AGPAT4: variants seen among roughly 807,000 people sequenced by gnomAD.
AGPAT4 encodes 1-acyl-sn-glycerol-3-phosphate acyltransferase delta.
A neutral mutation model predicts 48.0 loss-of-function variants in AGPAT4; 15 were observed. The ratio of observed to expected loss-of-function variants is 0.31; its 90% confidence interval spans 0.21 to 0.48. The LOEUF (loss-of-function observed/expected upper bound fraction) is 0.48. AGPAT4 is among the 20% of genes least tolerant of loss of function. The pLI, the probability that AGPAT4 is intolerant of heterozygous loss-of-function variation, is 0.99. For missense variants in AGPAT4, 314 were observed against 482.5 expected, an observed-to-expected ratio of 0.65 and a Z score of 3.27; for synonymous variants, 178 against 198.7, an observed-to-expected ratio of 0.90 and a Z score of 0.88.
In AGPAT4 at chr6:161,130,745, G is replaced by A. The variant is rs1778874755; in HGVS notation, c.*5795C>T. On this transcript the variant is annotated 3_prime_UTR_variant, in exon 9 of 9. Coordinates refer to ENST00000320285, the MANE Select transcript of AGPAT4 (RefSeq NM_020133.3). ...AGATGCGAGTAAGGAAGCTCCAGTT[G>A]TAGCCTTGGCACAGCTGAGGCCATG... 2 of 452,398 alleles carry A rather than the reference G, an allele frequency of 4.4e-6. No individual in the cohort carries two copies. The highest frequency in any genetic ancestry group is 9.0e-6 in the Non-Finnish European group (2 of 221,748). The allele number at this position is 452,398 out of a possible 1,614,324, so 28.0% of individuals were successfully genotyped here.
At chr6:161,152,784 T>C (rs1255813924) in intron 5 of AGPAT4, among the ~76,000 whole-genome samples, 1 of 152,050 alleles carries the variant, frequency 6.6e-6, no homozygotes, top group African/African-American at 2.4e-5. Flanking sequence ...CAAGGGACTG[T>C]GAGGGCGTGG....
chr6:161,167,681 C>T (rs1301295410), intron 2 of AGPAT4, among the ~76,000 whole-genome samples: 2 of 152,216 alleles, frequency 1.3e-5, no homozygotes, highest in African/African-American at 4.8e-5. Flanking sequence ...GGAAACTTTT[C>T]TCCTCCAGGC....
chr6:161,173,643 A>G (rs1489282666), intron 2 of AGPAT4, among the ~76,000 whole-genome samples: 1 of 152,152 alleles, frequency 6.6e-6, no homozygotes, highest in African/African-American at 2.4e-5. Flanking sequence ...GAAGCTCTTC[A>G]GTTTAATCAG....
chr6:161,254,494 G>A lies in AGPAT4; in HGVS notation c.-90+19444C>T, dbSNP rs570304750. Among the ~76,000 whole-genome samples the A allele has an allele frequency of 3.3e-5, 5 of 152,316 alleles. No individual in the cohort carries two copies. The South Asian group carries it at 1.0e-3, about 32-fold the overall frequency. On this transcript the variant is annotated intron_variant, in intron 1 of 8. Coordinates refer to ENST00000320285, the MANE Select transcript of AGPAT4 (RefSeq NM_020133.3). The surrounding 1 kb of genome is among the most constrained non-coding windows in gnomAD (Gnocchi z 5.9). ...TACGTTTAGAGGCAACTCGTTCAGC[G>A]AATATTTATAGAGCCTCTACCGCGT...
rs1341876750 is a variant in AGPAT4 at position 161,177,137 on chromosome 6, G to A, written c.179-10720C>T. Among the ~76,000 whole-genome samples the A allele has an allele frequency of 1.3e-5, 2 of 152,036 alleles. No individual in the cohort carries two copies. The highest frequency in any genetic ancestry group is 1.9e-4 in the East Asian group (1 of 5,186). ...TATGTGTCTTAGAGTTGCTCTTCTC[G>A]AGGAGTATCTTTGTGGCGTTCTCTG... On this transcript the variant is annotated intron_variant, in intron 2 of 8. Transcript: ENST00000320285. This position sits in a 1 kb window ranked among gnomAD's most constrained non-coding sequence, Gnocchi z 5.0.
In AGPAT4 at chr6:161,219,344, T is replaced by G. The variant is rs929148844; in HGVS notation, c.178+12692A>C. On this transcript the variant is annotated intron_variant, in intron 2 of 8. Coordinates refer to ENST00000320285, the MANE Select transcript of AGPAT4 (RefSeq NM_020133.3). The surrounding 1 kb of genome is among the most constrained non-coding windows in gnomAD (Gnocchi z 4.9). ...TTTAAAAAATATATAAAATGTCCTA[T>G]CCAGACATTTATGATATGATAGAAT... Among the ~76,000 whole-genome samples, 11 of 151,946 alleles carry G rather than the reference T, an allele frequency of 7.2e-5. No homozygotes were observed. The highest frequency in any genetic ancestry group is 2.0e-4 in the Admixed American group (3 of 15,264).
rs887904768 is a variant in AGPAT4 at position 161,135,134 on chromosome 6, T to G, written c.*1406A>C. The G allele has an allele frequency of 6.6e-6, 1 of 152,236 alleles. No homozygotes were observed. The highest frequency in any genetic ancestry group is 1.5e-5 in the Non-Finnish European group (1 of 68,036). 9.4% of individuals were successfully genotyped at this position (152,236 alleles called of 1,614,324 possible). On this transcript the variant is annotated 3_prime_UTR_variant, in exon 9 of 9. Transcript: ENST00000320285. ...GCAAATAGCCAAAAACATAACTGCATAGAATAGGCCTTATAATGTGTGGCC... is the reference window on the plus strand; with the variant it reads ...GCAAATAGCCAAAAACATAACTGCAGAGAATAGGCCTTATAATGTGTGGCC...
chr6:161,143,895 C>CTT lies in AGPAT4; in HGVS notation c.843+2627_843+2628dup, dbSNP rs1779332931. The CTT allele has an allele frequency of 3.3e-6, 1 of 305,474 alleles. No homozygotes were observed. The highest frequency in any genetic ancestry group is 2.2e-5 in the African/African-American group (1 of 45,478). The allele number at this position is 305,474 out of a possible 1,614,324, so 18.9% of individuals were successfully genotyped here. Reference sequence around the variant, plus strand: ...CCATTCCCCTCCCATTTTGCAGAAACTTTACTTGTCCATGAAATTGAAAAG... The same window carrying CTT: ...CCATTCCCCTCCCATTTTGCAGAAACTTTTTACTTGTCCATGAAATTGAAAAG... On this transcript the variant is annotated intron_variant, in intron 7 of 8. Transcript: ENST00000320285. This position sits in a 1 kb window ranked among gnomAD's most constrained non-coding sequence, Gnocchi z 4.7.
At chr6:161,160,673 G>T in intron 3 of AGPAT4, 1 of 316,648 alleles carries the variant, frequency 3.2e-6, no homozygotes, top group African/African-American at 2.2e-5. Flanking sequence ...TACTGGCTCT[G>T]CTTTGAGGGG....
rs978724079 is a variant in AGPAT4, at chr6:161,139,264, A to G, written c.1042+158T>C. On this transcript the variant is annotated intron_variant, in intron 8 of 8. Coordinates refer to ENST00000320285, the MANE Select transcript of AGPAT4 (RefSeq NM_020133.3). The surrounding 1 kb of genome is among the most constrained non-coding windows in gnomAD (Gnocchi z 9.1). Reference sequence around the variant, plus strand: ...CAGGCCTGGTATTCGAGGGCCTCGCACTCATCCTGAAGTCTAATCTTTCCC... The same window carrying G: ...CAGGCCTGGTATTCGAGGGCCTCGCGCTCATCCTGAAGTCTAATCTTTCCC... Among the ~76,000 whole-genome samples the G allele has an allele frequency of 1.7e-4, 26 of 152,062 alleles. No homozygotes were observed. Among genetic ancestry groups the G allele is most frequent in the African/African-American group, 6.3e-4 (26 of 41,388 alleles).
chr6:161,199,120 A>G (rs1050788444), intron 2 of AGPAT4, among the ~76,000 whole-genome samples: 1 of 151,334 alleles, frequency 6.6e-6, no homozygotes. Flanking sequence ...AAAAAAAAAC[A>G]CGTTAATTGG....
rs3043142 is a variant in AGPAT4, at chr6:161,272,705, A to AACACACACACACAC, written c.-90+1219_-90+1232dup. On this transcript the variant is annotated intron_variant, in intron 1 of 8. Transcript: ENST00000320285. This position sits in a 1 kb window ranked among gnomAD's most constrained non-coding sequence, Gnocchi z 4.2. The stretch of plus-strand genomic sequence containing the variant: ...TCCCTGCCCGCCTCCCATTTCCCTA[A>AACACACACACACAC]ACACACACACACACACACACACACA... Among the ~76,000 whole-genome samples, 406 of 147,174 alleles carry AACACACACACACAC rather than the reference A, an allele frequency of 2.8e-3. No individual in the cohort carries two copies. The highest frequency in any genetic ancestry group is 9.5e-3 in the African/African-American group (381 of 39,912).
At position 161,154,329 on chromosome 6, in the gene AGPAT4, C is replaced by T; in HGVS notation, c.349-19G>A. ...TGGAGCCCTGAAACAGAAGAAGGAG[C>T]CCAGGTGCCCATGAAGGAGACGTCA... On this transcript the variant is annotated intron_variant, in intron 3 of 8. Coordinates refer to ENST00000320285, the MANE Select transcript of AGPAT4 (RefSeq NM_020133.3). This position sits in a 1 kb window ranked among gnomAD's most constrained non-coding sequence, Gnocchi z 7.8. 1 of 1,613,658 alleles carries T rather than the reference C, an allele frequency of 6.2e-7. No homozygotes were observed. The highest frequency in any genetic ancestry group is 8.5e-7 in the Non-Finnish European group (1 of 1,179,854).
rs1259147819 is a variant in AGPAT4, at chr6:161,234,253, T to C, written c.-89-1951A>G. On this transcript the variant is annotated intron_variant, in intron 1 of 8. Transcript: ENST00000320285. The surrounding 1 kb of genome is among the most constrained non-coding windows in gnomAD (Gnocchi z 4.4). Reference sequence around the variant, plus strand: ...TACTGGGACTATCCAGAAGGCAGGCTGCATTCCTGCAAGATTCCTATACAT... The same window carrying C: ...TACTGGGACTATCCAGAAGGCAGGCCGCATTCCTGCAAGATTCCTATACAT... Among the ~76,000 whole-genome samples the C allele has an allele frequency of 1.3e-5, 2 of 152,222 alleles. No homozygotes were observed. The highest frequency in any genetic ancestry group is 2.1e-4 in the South Asian group (1 of 4,826).
intron 3 of AGPAT4, chr6:161,160,791 T>C (rs1779905712): frequency 2.8e-6 from 1 of 351,460 alleles, no homozygotes; most frequent in Non-Finnish European, 5.6e-6. Context: ...CCAGTTTCTC[T>C]TCTGAACGGA....
At chr6:161,194,707 G>A (rs7747618) in intron 2 of AGPAT4, among the ~76,000 whole-genome samples, 27,303 of 151,990 alleles carry the variant, frequency 0.18, 4,391 homozygotes, top group African/African-American at 0.44. Context: ...TTGTGTGTGC[G>A]TATGTATGTG....
chr6:161,252,783 C>T (rs986303796), intron 1 of AGPAT4, among the ~76,000 whole-genome samples: 1 of 152,084 alleles, frequency 6.6e-6, no homozygotes, highest in Non-Finnish European at 1.5e-5. Flanking sequence ...GCATTCCAGC[C>T]TGGGTGACAC....
rs763874812 is a variant in AGPAT4 at position 161,232,602 on chromosome 6, G to A, written c.-89-300C>T. Among the ~76,000 whole-genome samples the A allele has an allele frequency of 2.3e-4, 35 of 152,176 alleles. No individual in the cohort carries two copies. Among genetic ancestry groups the A allele is most frequent in the Non-Finnish European group, 4.3e-4 (29 of 68,020 alleles). On this transcript the variant is annotated intron_variant, in intron 1 of 8. Coordinates refer to ENST00000320285, the MANE Select transcript of AGPAT4 (RefSeq NM_020133.3). This position sits in a 1 kb window ranked among gnomAD's most constrained non-coding sequence, Gnocchi z 6.8. ...CTCGGCCAGGGTTCACCGCTCCCCA[G>A]CTGGGCAGCAGCTGAGCCAGCCACG... is the stretch of plus-strand genomic sequence containing the variant.
intron 2 of AGPAT4, among the ~76,000 whole-genome samples, chr6:161,179,234 C>T (rs1246775754): frequency 1.3e-5 from 2 of 152,138 alleles, no homozygotes; most frequent in Non-Finnish European, 2.9e-5. Flanking sequence ...GGGTTGTGGC[C>T]CATGCCCCCA....
Sources: allele counts gnomAD v4.1 joint callset (sites outside exome capture counted in the v4.1 genomes callset), GRCh38; gene constraint gnomAD v4.1.1; non-coding constraint Gnocchi (gnomAD v3.1); transcripts MANE v1.5; gene names NCBI Gene and HGNC (gene_info 2026-07-23, HGNC 2026-07-21).